TMTC1: variants seen among roughly 807,000 people sequenced by gnomAD.
The protein encoded by TMTC1 is transmembrane O-mannosyltransferase targeting cadherins 1, also known as protein O-mannosyl-transferase TMTC1.
A neutral mutation model predicts 104.8 loss-of-function variants in TMTC1; 73 were observed. The observed-to-expected ratio is 0.70, with a 90% confidence interval of 0.58 to 0.85. The LOEUF (loss-of-function observed/expected upper bound fraction) is 0.85, where lower values mean the gene tolerates loss of function less well. TMTC1 is among the 40% of genes least tolerant of loss of function. The probability of loss-of-function intolerance (pLI) is 0.00; values close to 1 mark genes in which losing one functional copy is unlikely to be tolerated. For missense variants in TMTC1, 1,035 were observed against 1,096.1 expected (o/e 0.94, Z 0.79); for synonymous variants, 434 against 428.7 (o/e 1.01, Z -0.15).
At chr12:29,661,386 A>G (rs1359036745) in intron 5 of TMTC1, 2 of 967,168 alleles carry the variant, frequency 2.1e-6, no homozygotes, top group Admixed American at 1.2e-4. Context: ...ACCTCTAAAA[A>G]TAGAAGATGC....
intron 5 of TMTC1, among the ~76,000 whole-genome samples, chr12:29,643,701 TATA>T (rs1207714545): frequency 0.011 from 1 of 90 alleles, no homozygotes; most frequent in African/African-American, 0.015. Context: ...TTATATATAT[TATA>T]TATTATATAT....
chr12:29,750,991 G>A (rs1219802618), intron 5 of TMTC1, among the ~76,000 whole-genome samples: 1 of 152,200 alleles, frequency 6.6e-6, no homozygotes, highest in Non-Finnish European at 1.5e-5. Flanking sequence ...GCAGTCTGGA[G>A]CTGCCCAATT....
At chr12:29,516,592 G>C in intron 14 of TMTC1, 106 bp from the exon 15 acceptor site, 1 of 1,331,010 alleles carries the variant, frequency 7.5e-7, no homozygotes, top group Non-Finnish European at 1.0e-6. Flanking sequence ...AACATGCTCA[G>C]CATCAATTTA....
intron 6 of TMTC1, among the ~76,000 whole-genome samples, chr12:29,616,496 C>T (rs1257965307): frequency 6.6e-6 from 1 of 151,840 alleles, no homozygotes. Flanking sequence ...GGTGAAACTC[C>T]GTCTCTACTA....
At chr12:29,643,043 T>C (rs903435173) in intron 5 of TMTC1, among the ~76,000 whole-genome samples, 3 of 151,446 alleles carry the variant, frequency 2.0e-5, no homozygotes, top group African/African-American at 7.3e-5. Flanking sequence ...CGTGAAAAAA[T>C]GCTCAACATC....
chr12:29,735,523 T>C (rs1942649218), intron 5 of TMTC1, among the ~76,000 whole-genome samples: 2 of 152,220 alleles, frequency 1.3e-5, no homozygotes, highest in Admixed American at 6.5e-5. Context: ...GCTCAATATA[T>C]TCTGCAGAAT....
At chr12:29,656,910 C>T (rs75669656) in intron 5 of TMTC1, among the ~76,000 whole-genome samples, 8,782 of 152,202 alleles carry the variant, frequency 0.058, 293 homozygotes, top group South Asian at 0.078. Flanking sequence ...CCCTTGGCCC[C>T]TAAGATGTTA....
At chr12:29,578,293 CTA>C (rs919409178) in intron 8 of TMTC1, among the ~76,000 whole-genome samples, 4 of 151,962 alleles carry the variant, frequency 2.6e-5, no homozygotes, top group East Asian at 3.9e-4. Flanking sequence ...TATTTTTCTG[CTA>C]TGTTTTTCTA....
At chr12:29,690,365 G>T (rs116611531) in intron 5 of TMTC1, among the ~76,000 whole-genome samples, 2 of 152,296 alleles carry the variant, frequency 1.3e-5, no homozygotes, top group East Asian at 3.9e-4. Context: ...TGTGAGATGG[G>T]AATCTCAATT....
In TMTC1 at chr12:29,606,834, G is replaced by C. The variant is rs527276467; in HGVS notation, c.1129-2535C>G. Reference sequence around the variant, plus strand: ...CATCACACGTTCTTACCCTTCCAACGCACCTTCCTCACTACGGTGGGTGTT... The same window carrying C: ...CATCACACGTTCTTACCCTTCCAACCCACCTTCCTCACTACGGTGGGTGTT... On this transcript the variant is annotated intron_variant, in intron 6 of 17. Transcript: ENST00000539277. 1.6e-4 allele frequency among the ~76,000 whole-genome samples: 24 copies of C among 151,842 alleles called. No individual in the cohort carries two copies. In the South Asian group the frequency reaches 5.0e-3, roughly 32 times the overall value.
At chr12:29,586,046 C>T (rs921973172) in intron 7 of TMTC1, among the ~76,000 whole-genome samples, 3 of 152,154 alleles carry the variant, frequency 2.0e-5, no homozygotes, top group Non-Finnish European at 2.9e-5. Context: ...GCCATTTTCA[C>T]GATATTGATT....
At chr12:29,599,938 ATG>A (rs1287740480) in intron 7 of TMTC1, among the ~76,000 whole-genome samples, 2 of 147,276 alleles carry the variant, frequency 1.4e-5, no homozygotes, top group African/African-American at 5.1e-5. Flanking sequence ...GTGTATATAT[ATG>A]TGTGTGTATA....
chr12:29,586,952 A>C (rs1191425371), intron 7 of TMTC1, among the ~76,000 whole-genome samples: 1 of 152,132 alleles, frequency 6.6e-6, no homozygotes, highest in Non-Finnish European at 1.5e-5. Flanking sequence ...GGCCTCATAA[A>C]ATGAGTTAGG....
At chr12:29,633,387 C>G (rs1938397136) in intron 5 of TMTC1, 51 bp from the exon 6 acceptor site, 1 of 1,455,124 alleles carries the variant, frequency 6.9e-7, no homozygotes, top group Non-Finnish European at 9.4e-7. Context: ...CCATGACATT[C>G]TGTAAGCGTT....
intron 5 of TMTC1, among the ~76,000 whole-genome samples, chr12:29,695,568 G>C (rs551075177): frequency 6.6e-6 from 1 of 151,746 alleles, no homozygotes; most frequent in South Asian, 2.1e-4. Context: ...GCCTCCCAAA[G>C]TGCTGGGATT....
At chr12:29,706,420 T>A (rs1168627491) in intron 5 of TMTC1, among the ~76,000 whole-genome samples, 2 of 152,184 alleles carry the variant, frequency 1.3e-5, no homozygotes, top group Non-Finnish European at 2.9e-5. Context: ...TGCCTAACCA[T>A]TGCACGCTCA....
chr12:29,614,672 C>T (rs1363954576), intron 6 of TMTC1, among the ~76,000 whole-genome samples: 1 of 152,146 alleles, frequency 6.6e-6, no homozygotes, highest in South Asian at 2.1e-4. Context: ...AGCACAACAG[C>T]TCAAATATCT....
At chr12:29,559,316 C>T (rs1945321233) in intron 9 of TMTC1, among the ~76,000 whole-genome samples, 1 of 152,152 alleles carries the variant, frequency 6.6e-6, no homozygotes, top group Admixed American at 6.5e-5. Flanking sequence ...CTGTAAGCAG[C>T]CGGTCATCTC....
chr12:29,544,973 A>G (rs899921931), intron 10 of TMTC1, among the ~76,000 whole-genome samples: 1 of 152,190 alleles, frequency 6.6e-6, no homozygotes, highest in Non-Finnish European at 1.5e-5. Context: ...TTATTATTAA[A>G]TAATCTCTAC....
Sources: gnomAD v4.1 joint callset for allele counts (sites outside exome capture counted in the v4.1 genomes callset) on GRCh38, gnomAD v4.1.1 for gene constraint, MANE v1.5 for transcripts, NCBI Gene and HGNC (gene_info 2026-07-23, HGNC 2026-07-21) for gene names.